Variants in FHDC1 observed in about 807,000 individuals in gnomAD.
The protein encoded by FHDC1 is FH2 domain containing 1.
A neutral mutation model predicts 52.6 loss-of-function variants in FHDC1; 25 were observed. That is an observed-to-expected ratio of 0.48 (90% CI 0.35 to 0.66). The LOEUF is 0.66. Among genes scored for constraint, FHDC1 ranks in the 30% least tolerant of loss-of-function variants. FHDC1 has a pLI of 0.01. For synonymous variants in FHDC1, 616 were observed against 581.5 expected, an observed-to-expected ratio of 1.06 and a Z score of -0.85; for missense variants, 1,459 against 1,452.8, an observed-to-expected ratio of 1.00 and a Z score of -0.07.
In FHDC1 at chr4:152,943,547, C is replaced by T. The variant is rs1739640889; in HGVS notation, c.490C>T (p.Arg164Ter). 4 of 1,610,872 alleles carry T rather than the reference C, an allele frequency of 2.5e-6. No individual in the cohort carries two copies. Among genetic ancestry groups the T allele is most frequent in the Middle Eastern group, 1.7e-4 (1 of 5,806 alleles). ...TTTAAATTCATCCTTCAGAGAAGCT[C>T]GAGAAGAGGTAAGAATGCAAGGTGG... ...RTLNSSFREAREEITILDAKR... is the reference protein window; with the variant it reads ...RTLNSSFREA The change falls in exon 2 of 12, where the codon CGA becomes TGA. Residue 164 changes from arginine to a stop codon, truncating the protein, a stop_gained. Coordinates refer to ENST00000511601, the MANE Select transcript of FHDC1 (RefSeq NM_001371116.1). LOFTEE classifies it high-confidence loss of function.
At position 152,976,479 on chromosome 4, in the gene FHDC1, C is replaced by T. The variant is rs760384554; in HGVS notation, c.3188C>T (p.Thr1063Ile). Residue 1063 changes from threonine (T) to isoleucine (I), a missense_variant, in exon 12 of 12, where the codon ACA (threonine) becomes ATA (isoleucine). Physicochemically the swap from Thr to Ile is moderately conservative, Grantham distance 89. Around this residue, in one of 3 missense-constraint regions of FHDC1, gnomAD observed 939 missense variants for 854.5 expected, o/e 1.10. Transcript: ENST00000511601. ...GCCAAAGCCCCCGGCATCACTCGGA[C>T]AGTGTCGCAGCGGCAGCTGAGGGTG... is the stretch of plus-strand genomic sequence containing the variant. ...PVAKAPGITR[T>I]VSQRQLRVKG... 6.2e-6 allele frequency: 10 copies of T among 1,613,490 alleles called. No homozygotes were observed. Among genetic ancestry groups the T allele is most frequent in the South Asian group, 1.1e-5 (1 of 91,090 alleles).
At chr4:152,951,255 TA>T (rs1739917658) in intron 2 of FHDC1, among the ~76,000 whole-genome samples, 1 of 152,240 alleles carries the variant, frequency 6.6e-6, no homozygotes, top group Non-Finnish European at 1.5e-5. Context: ...TTTAATTTAT[TA>T]ATTCTAATGA....
intron 10 of FHDC1, among the ~76,000 whole-genome samples, chr4:152,970,371 T>C (rs1048774500): frequency 6.6e-6 from 1 of 152,224 alleles, no homozygotes; most frequent in African/African-American, 2.4e-5. Flanking sequence ...GCCCTAATCA[T>C]GTAGAACTCC....
At position 152,975,186 on chromosome 4, in the gene FHDC1, C is replaced by T. The variant is rs146025678; in HGVS notation, c.1895C>T (p.Ser632Phe). 245 of 1,613,266 alleles carry T rather than the reference C, an allele frequency of 1.5e-4. 2 individuals carry two copies. In the African/African-American group the frequency reaches 2.8e-3, roughly 19 times the overall value. The change falls in exon 12 of 12, where the codon TCT becomes TTT. Residue 632 changes from serine to phenylalanine, a missense_variant. Physicochemically the swap from Ser to Phe is radical, Grantham distance 155. Coordinates refer to ENST00000511601, the MANE Select transcript of FHDC1 (RefSeq NM_001371116.1). ...GCCGCCCAGCCTGAGAACCATGCCT[C>T]TGCCTTCCCCAGAGCTCGGCGCCAG... ...LAAAQPENHA[S>F]AFPRARRQGV...
intron 3 of FHDC1, 95 bp downstream of exon 3, chr4:152,953,655 A>G: frequency 1.9e-6 from 2 of 1,036,134 alleles, no homozygotes; most frequent in Non-Finnish European, 2.9e-6. Flanking sequence ...AATTCCTCAC[A>G]CCTTCAAATC....
At chr4:152,952,842 G>A (rs1739968591) in intron 2 of FHDC1, among the ~76,000 whole-genome samples, 1 of 152,172 alleles carries the variant, frequency 6.6e-6, no homozygotes. Flanking sequence ...ATTCTAAGTT[G>A]AAAATGTGGC....
At chr4:152,920,178 C>A in the FHDC1 span, among the ~76,000 whole-genome samples, 1 of 151,938 alleles carries the variant, frequency 6.6e-6, no homozygotes, top group Non-Finnish European at 1.5e-5. Context: ...AACTCCTGAC[C>A]TCAGGTGATC....
At position 152,975,682 on chromosome 4, in the gene FHDC1, C is replaced by T. The variant is rs1445173968; in HGVS notation, c.2391C>T (p.Asp797=). ...CCGACTCCAGACCCAGAGGCGGGGACCCGGAGGAAGGCGGGGAAGGGGATG... is the reference window on the plus strand; with the variant it reads ...CCGACTCCAGACCCAGAGGCGGGGATCCGGAGGAAGGCGGGGAAGGGGATG... ...EGTDSRPRGG[D]PEEGGEGDGS... Residue 797 remains aspartate, a synonymous_variant, in exon 12 of 12, where the codon GAC becomes GAT. Transcript: ENST00000511601. 1 of 1,612,354 alleles carries T rather than the reference C, an allele frequency of 6.2e-7. No individual in the cohort carries two copies. Among genetic ancestry groups the T allele is most frequent in the Non-Finnish European group, 8.5e-7 (1 of 1,179,132 alleles).
chr4:152,916,194 C>G, the FHDC1 span, among the ~76,000 whole-genome samples: 1 of 151,766 alleles, frequency 6.6e-6, no homozygotes, highest in Non-Finnish European at 1.5e-5. Flanking sequence ...GATCATAATT[C>G]AAAAAAAGTA....
At chr4:152,937,767 A>G (rs934635346) in intron 1 of FHDC1, among the ~76,000 whole-genome samples, 8 of 151,974 alleles carry the variant, frequency 5.3e-5, no homozygotes, top group African/African-American at 1.9e-4. Flanking sequence ...GCTGATAAGG[A>G]CGCAGCTGGG....
At chr4:152,948,745 C>G (rs1042554230) in intron 2 of FHDC1, among the ~76,000 whole-genome samples, 9 of 152,112 alleles carry the variant, frequency 5.9e-5, no homozygotes, top group Non-Finnish European at 1.5e-5. Context: ...TGTGAGCCAC[C>G]ACACTGGGCT....
the FHDC1 span, among the ~76,000 whole-genome samples, chr4:152,929,261 T>TA: frequency 6.6e-6 from 1 of 152,134 alleles, no homozygotes; most frequent in Non-Finnish European, 1.5e-5. This position sits in a 1 kb window ranked among gnomAD's most constrained non-coding sequence, Gnocchi z 4.1. Flanking sequence ...ATACACAACT[T>TA]ACATGTGAGA....
the FHDC1 span, among the ~76,000 whole-genome samples, chr4:152,924,720 T>C: frequency 5.9e-5 from 9 of 151,890 alleles, no homozygotes; most frequent in Non-Finnish European, 1.2e-4. Context: ...GGGACATGGA[T>C]GAAATTGGAA....
In FHDC1 at chr4:152,975,988, C is replaced by A; in HGVS notation, c.2697C>A (p.Asn899Lys). ...TGCGGACCCTGACCGCCTCAGAGAA[C>A]GAGAGCATGCGCAAGGTCATGCCCA... ...KSVRTLTASE[N>K]ESMRKVMPIT... is the part of the protein sequence containing the mutation. Residue 899 changes from asparagine to lysine, a missense_variant, in exon 12 of 12, where the codon AAC becomes AAA. Coordinates refer to ENST00000511601, the MANE Select transcript of FHDC1 (RefSeq NM_001371116.1). 6.6e-7 allele frequency: 1 copy of A among 1,525,532 alleles called. No individual in the cohort carries two copies. Among genetic ancestry groups the A allele is most frequent in the Non-Finnish European group, 8.8e-7 (1 of 1,138,942 alleles). 94.5% of individuals were successfully genotyped at this position (1,525,532 alleles called of 1,614,324 possible).
intron 6 of FHDC1, among the ~76,000 whole-genome samples, chr4:152,961,252 G>T (rs955805154): frequency 2.0e-5 from 3 of 152,162 alleles, no homozygotes; most frequent in African/African-American, 7.2e-5. Context: ...GCCTCTTGGT[G>T]GCTGGGACCC....
chr4:152,921,430 T>G, the FHDC1 span, among the ~76,000 whole-genome samples: 2 of 152,180 alleles, frequency 1.3e-5, no homozygotes, highest in African/African-American at 4.8e-5. Context: ...TTACCCAGAT[T>G]ACTTATGAAA....
intron 11 of FHDC1, among the ~76,000 whole-genome samples, chr4:152,974,130 A>G (rs749767803): frequency 2.0e-5 from 3 of 152,218 alleles, no homozygotes; most frequent in Non-Finnish European, 2.9e-5. Flanking sequence ...AATCACTGTT[A>G]AGTAGAATGT....
chr4:152,926,930 C>T, the FHDC1 span, among the ~76,000 whole-genome samples: 1 of 152,152 alleles, frequency 6.6e-6, no homozygotes, highest in South Asian at 2.1e-4. Context: ...AATTTAAGAC[C>T]AGCTGATTGT....
upstream of FHDC1, among the ~76,000 whole-genome samples, chr4:152,933,664 C>T (rs1028460553): frequency 7.2e-6 from 1 of 138,194 alleles, no homozygotes; most frequent in African/African-American, 2.8e-5. Context: ...ACCTGGGAGG[C>T]AGAGGTTGCA....
Sources: gnomAD v4.1 joint callset for allele counts (sites outside exome capture counted in the v4.1 genomes callset) on GRCh38, gnomAD v4.1.1 for gene constraint, gnomAD v4.1.1 regional missense constraint, Gnocchi (gnomAD v3.1) non-coding constraint, MANE v1.5 for transcripts, NCBI Gene and HGNC (gene_info 2026-07-23, HGNC 2026-07-21) for gene names.